The following PCDH15 variants were observed in gnomAD, a reference collection of about 807,000 sequenced individuals.
PCDH15 encodes protocadherin-15.
PCDH15 carries 129 observed loss-of-function variants against 178.5 expected under a neutral mutation model. The ratio of observed to expected loss-of-function variants is 0.72; its 90% CI spans 0.63 to 0.84. The LOEUF is 0.84. Among genes scored for constraint, PCDH15 ranks in the 40% least tolerant of loss-of-function variants. The probability of loss-of-function intolerance (pLI) is 0.00; values close to 1 mark genes in which losing one functional copy is unlikely to be tolerated. For missense variants in PCDH15, 2,230 were observed against 2,099.9 expected (o/e 1.06, Z -1.21); for synonymous variants, 800 against 732.0 (o/e 1.09, Z -1.50).
intron 2 of PCDH15, among the ~76,000 whole-genome samples, chr10:55,328,879 G>C (rs1327896441): frequency 7.0e-6 from 1 of 142,220 alleles, no homozygotes; most frequent in Non-Finnish European, 1.5e-5. Context: ...CAACCCCACA[G>C]ATTGTGAAAG....
At chr10:54,510,885 G>T (rs1316189086) in intron 3 of PCDH15, among the ~76,000 whole-genome samples, 1 of 152,002 alleles carries the variant, frequency 6.6e-6, no homozygotes, top group African/African-American at 2.4e-5. Flanking sequence ...TTATGTCACC[G>T]TATTTAACTC....
At chr10:54,668,302 A>G (rs1055524964) in intron 1 of PCDH15, among the ~76,000 whole-genome samples, 4 of 152,158 alleles carry the variant, frequency 2.6e-5, no homozygotes, top group African/African-American at 9.7e-5. Flanking sequence ...GTTAAAATGT[A>G]ATAAGTGACA....
At chr10:54,321,531 C>T (rs2061605751) in intron 7 of PCDH15, among the ~76,000 whole-genome samples, 1 of 151,552 alleles carries the variant, frequency 6.6e-6, no homozygotes, top group Non-Finnish European at 1.5e-5. Context: ...ATATTTCTAC[C>T]CTTCCATGTC....
chr10:55,309,683 T>C (rs1843529129), intron 1 of PCDH15, among the ~76,000 whole-genome samples: 1 of 152,204 alleles, frequency 6.6e-6, no homozygotes, highest in Non-Finnish European at 1.5e-5. Flanking sequence ...GATTAAACTT[T>C]AAGTGGGAAA....
intron 1 of PCDH15, among the ~76,000 whole-genome samples, chr10:54,712,255 T>C (rs10740590): frequency 0.57 from 86,700 of 151,594 alleles, 26,295 homozygotes; most frequent in Middle Eastern, 0.72. Flanking sequence ...GAAAACATCA[T>C]TGGGTAGTTA....
Position 55,502,985 on chromosome 10 carries a change from A to T in PCDH15, c.-156+124640T>A, listed in dbSNP as rs1428938618. Among the ~76,000 whole-genome samples the T allele has an allele frequency of 5.3e-5, 8 of 151,696 alleles. No individual in the cohort carries two copies. In the East Asian group the frequency reaches 1.4e-3, roughly 26 times the overall value. On this transcript the variant is annotated intron_variant, in intron 2 of 5. Coordinates refer to the PCDH15 transcript ENST00000613346. ...TGAAGGAGCACTTTTATGTGTGACA[A>T]ATTAAACATTAATAGCAAAACAACA...
rs967089028 is a variant in PCDH15, at chr10:54,761,059, C to T, written c.-29+39866G>A. On this transcript the variant is annotated intron_variant, in intron 1 of 37. Transcript: ENST00000644397. ...GACCAACTAGATTCTGAGCCTCAAA[C>T]AGCATTATTAGGGACTTGCCTGCCT... Among the ~76,000 whole-genome samples the T allele has an allele frequency of 2.6e-5, 4 of 152,154 alleles. No individual in the cohort carries two copies. In the South Asian group the frequency reaches 6.2e-4, roughly 24 times the overall value.
intron 8 of PCDH15, among the ~76,000 whole-genome samples, chr10:54,280,598 C>G (rs1436020162): frequency 6.6e-6 from 1 of 151,672 alleles, no homozygotes. Flanking sequence ...ATTATCAGTG[C>G]CTATATATTA....
intron 24 of PCDH15, among the ~76,000 whole-genome samples, chr10:53,939,559 CCTTA>C (rs1376129380): frequency 6.6e-6 from 1 of 151,928 alleles, no homozygotes; most frequent in East Asian, 1.9e-4. Context: ...CATATTCTCT[CCTTA>C]CTTTATTTTT....
rs187543659 is a variant in PCDH15 at position 55,249,348 on chromosome 10, C to G, written c.-156+70251G>C. On this transcript the variant is annotated intron_variant, in intron 1 of 5. Coordinates refer to the PCDH15 transcript ENST00000458638. ...TTCTGACCTAGTGGTTGGAATGTATCACTAAAATATGACAGTAAAAGCACT... is the reference window on the plus strand; with the variant it reads ...TTCTGACCTAGTGGTTGGAATGTATGACTAAAATATGACAGTAAAAGCACT... Among the ~76,000 whole-genome samples, 46 of 152,224 alleles carry G rather than the reference C, an allele frequency of 3.0e-4. No homozygotes were observed. In the East Asian group the frequency reaches 4.8e-3, roughly 16 times the overall value.
intron 2 of PCDH15, among the ~76,000 whole-genome samples, chr10:55,403,339 G>C (rs1453235526): frequency 6.6e-6 from 1 of 151,784 alleles, no homozygotes; most frequent in African/African-American, 2.4e-5. Context: ...TCACTCTGCT[G>C]ATTGTTTCTG....
intron 2 of PCDH15, among the ~76,000 whole-genome samples, chr10:55,626,448 C>A (rs1837531978): frequency 6.6e-6 from 1 of 152,106 alleles, no homozygotes; most frequent in Non-Finnish European, 1.5e-5. Flanking sequence ...CTTTATGGAA[C>A]CAAGTATTTC....
intron 14 of PCDH15, among the ~76,000 whole-genome samples, chr10:54,144,788 A>G (rs575134310): frequency 3.8e-4 from 58 of 152,084 alleles, no homozygotes; most frequent in African/African-American, 1.4e-3. Flanking sequence ...CATTTTACAA[A>G]AGAGGATTTT....
chr10:54,731,512 G>C (rs1591336066), intron 1 of PCDH15, among the ~76,000 whole-genome samples: 1 of 106,324 alleles, frequency 9.4e-6, no homozygotes, highest in East Asian at 2.3e-4. Context: ...ATCAACCAAA[G>C]TGCCCATCAA....
intron 27 of PCDH15, among the ~76,000 whole-genome samples, chr10:53,865,975 T>A (rs1050430376): frequency 6.6e-6 from 1 of 152,166 alleles, no homozygotes; most frequent in African/African-American, 2.4e-5. Flanking sequence ...ACAGGATATA[T>A]GCACTGGTGT....
rs184768738 is a variant in PCDH15 at position 54,478,741 on chromosome 10, C to T, written c.157+49071G>A. On this transcript the variant is annotated intron_variant, in intron 3 of 37. Transcript: ENST00000644397. Reference sequence around the variant, plus strand: ...GGTGAATTAAATTGTCATTGGTGGCCTCATTTTCCTTTTTCGCGTATGTCT... The same window carrying T: ...GGTGAATTAAATTGTCATTGGTGGCTTCATTTTCCTTTTTCGCGTATGTCT... Among the ~76,000 whole-genome samples the T allele has an allele frequency of 8.5e-5, 13 of 152,058 alleles. No homozygotes were observed. In the East Asian group the frequency reaches 2.5e-3, roughly 29 times the overall value.
chr10:55,113,426 A>T (rs1837557470), intron 2 of PCDH15, among the ~76,000 whole-genome samples: 2 of 151,960 alleles, frequency 1.3e-5, no homozygotes, highest in African/African-American at 2.4e-5. Flanking sequence ...AAAAAAAAAA[A>T]GGAAGAATTA....
At chr10:54,667,176 C>T (rs1231158235) in intron 1 of PCDH15, among the ~76,000 whole-genome samples, 2 of 151,878 alleles carry the variant, frequency 1.3e-5, no homozygotes, top group African/African-American at 4.8e-5. Context: ...ATAACAATTT[C>T]TATAGTTTTT....
chr10:55,197,116 A>C (rs1385756292), intron 1 of PCDH15, among the ~76,000 whole-genome samples: 3 of 152,004 alleles, frequency 2.0e-5, no homozygotes, highest in Non-Finnish European at 4.4e-5. Flanking sequence ...GGCCAGATTG[A>C]AACAATTTTA....
Sources: gnomAD v4.1 joint callset for allele counts (sites outside exome capture counted in the v4.1 genomes callset) on GRCh38, gnomAD v4.1.1 for gene constraint, MANE v1.5 for transcripts, NCBI Gene and HGNC (gene_info 2026-07-23, HGNC 2026-07-21) for gene names.